The following CBFB variants were observed in gnomAD, a reference collection of about 807,000 sequenced individuals.
CBFB encodes CBF-beta.
In CBFB, 9 loss-of-function variants were observed where a neutral mutation model predicts 30.4. The ratio of observed to expected loss-of-function variants is 0.30; its 90% confidence interval spans 0.18 to 0.52. The LOEUF (loss-of-function observed/expected upper bound fraction) is 0.52. Among genes scored for constraint, CBFB ranks in the 20% least tolerant of loss-of-function variants. CBFB has a pLI of 0.97. For synonymous variants in CBFB, 94 were observed against 84.0 expected (o/e 1.12, Z -0.65); for missense variants, 170 against 244.0 (o/e 0.70, Z 2.02).
intron 2 of CBFB, among the ~76,000 whole-genome samples, chr16:67,035,062 G>T (rs1047939262): frequency 1.9e-4 from 29 of 151,068 alleles, no homozygotes; most frequent in African/African-American, 7.1e-4. Context: ...ATTTATGCTC[G>T]TAGTACATGG....
chr16:67,084,165 CA>C (rs368748767), intron 5 of CBFB, among the ~76,000 whole-genome samples: 49 of 54,318 alleles, frequency 9.0e-4, no homozygotes, highest in African/African-American at 2.7e-3. Context: ...GACCCTACCT[CA>C]AAAAAAAAAA....
At chr16:67,069,793 A>C (rs1377909350) in intron 4 of CBFB, among the ~76,000 whole-genome samples, 1 of 152,224 alleles carries the variant, frequency 6.6e-6, no homozygotes, top group African/African-American at 2.4e-5. Flanking sequence ...TAGAGGCTAG[A>C]AAGTTGTGGG....
intron 5 of CBFB, 73 bp from the exon 6 acceptor site, chr16:67,098,637 T>C: frequency 2.3e-6 from 2 of 880,556 alleles, no homozygotes; most frequent in Non-Finnish European, 3.8e-6. Flanking sequence ...TGCTACTGTC[T>C]TGTATTTTGT....
rs375495193 is a variant in CBFB at position 67,029,385 on chromosome 16, C to T, written c.-23C>T. 842 of 1,495,436 alleles carry T rather than the reference C, an allele frequency of 5.6e-4. No individual in the cohort carries two copies. Among genetic ancestry groups the T allele is most frequent in the Admixed American group, 8.3e-4 (36 of 43,362 alleles). 92.6% of individuals were successfully genotyped at this position (1,495,436 alleles called of 1,614,324 possible). The stretch of plus-strand genomic sequence containing the variant: ...CGCGCAAGCCCCGAGCGCGGCCGGC[C>T]GGCGCGGCCTCAGGGCGGGAAGATG... On this transcript the variant is annotated 5_prime_UTR_variant, in exon 1 of 6. Coordinates refer to ENST00000412916, the MANE Select transcript of CBFB (RefSeq NM_022845.3).
intron 4 of CBFB, among the ~76,000 whole-genome samples, chr16:67,068,628 G>A (rs1308771629): frequency 1.3e-5 from 2 of 152,184 alleles, no homozygotes; most frequent in Non-Finnish European, 2.9e-5. Context: ...AGTCAGAGTT[G>A]CTACAGTATA....
intron 2 of CBFB, among the ~76,000 whole-genome samples, chr16:67,032,150 T>C (rs1029009886): frequency 1.3e-5 from 2 of 152,174 alleles, no homozygotes; most frequent in African/African-American, 4.8e-5. Flanking sequence ...ATTATAGTAG[T>C]AGTACAGGTG....
chr16:67,053,848 T>C (rs1169052146), intron 3 of CBFB, among the ~76,000 whole-genome samples: 3 of 151,810 alleles, frequency 2.0e-5, no homozygotes, highest in Admixed American at 6.6e-5. Context: ...TTTATCCTTT[T>C]TTTTTTTTTT....
At chr16:67,044,201 T>G (rs1966582917) in intron 3 of CBFB, among the ~76,000 whole-genome samples, 1 of 152,216 alleles carries the variant, frequency 6.6e-6, no homozygotes, top group South Asian at 2.1e-4. Flanking sequence ...ATTGGGATTT[T>G]GAAATAATGA....
chr16:67,049,008 A>G (rs1966687867), intron 3 of CBFB, among the ~76,000 whole-genome samples: 1 of 150,844 alleles, frequency 6.6e-6, no homozygotes, highest in Non-Finnish European at 1.5e-5. Context: ...TTTAGTAGAG[A>G]CAGGGTTTCT....
At chr16:67,054,810 T>C (rs1480622893) in intron 3 of CBFB, among the ~76,000 whole-genome samples, 1 of 152,212 alleles carries the variant, frequency 6.6e-6, no homozygotes, top group Non-Finnish European at 1.5e-5. Context: ...TGGAGTGCAG[T>C]GGTGCGATCT....
chr16:67,029,578 C>G (rs1966294772), intron 1 of CBFB, 93 bp downstream of exon 1: 1 of 1,374,128 alleles, frequency 7.3e-7, no homozygotes, highest in Non-Finnish European at 9.9e-7. Context: ...CCCGGGAGTC[C>G]CGGTCGGTGC....
intron 2 of CBFB, among the ~76,000 whole-genome samples, chr16:67,032,293 C>G (rs200577722): frequency 6.6e-6 from 1 of 152,102 alleles, no homozygotes; most frequent in Non-Finnish European, 1.5e-5. Flanking sequence ...CCACTGCACT[C>G]CAGCCTGGGT....
chr16:67,068,415 A>G (rs1452615502), intron 4 of CBFB, among the ~76,000 whole-genome samples: 1 of 152,128 alleles, frequency 6.6e-6, no homozygotes, highest in Non-Finnish European at 1.5e-5. Context: ...CAGGAGCTCA[A>G]GGCTGCAGTG....
intron 3 of CBFB, among the ~76,000 whole-genome samples, chr16:67,049,035 A>T (rs1966688452): frequency 1.3e-5 from 2 of 151,258 alleles, no homozygotes; most frequent in African/African-American, 4.9e-5. Context: ...TGGTCAGGCT[A>T]GTTTTGAACT....
rs1423911481 is a variant in CBFB, at chr16:67,099,493, ATCC to A, written c.*720_*722del. On this transcript the variant is annotated 3_prime_UTR_variant, in exon 6 of 6. Transcript: ENST00000412916. ...GGTCTCGAACTCCTGGCATCAAGCG[ATCC>A]TCCTGCCTTAGCCTCCCAGAGTACT... is the stretch of plus-strand genomic sequence containing the variant. 5.0e-6 allele frequency: 1 copy of A among 201,684 alleles called. No homozygotes were observed. The highest frequency in any genetic ancestry group is 1.0e-5 in the Non-Finnish European group (1 of 98,490). 12.5% of individuals were successfully genotyped at this position (201,684 alleles called of 1,614,324 possible).
At position 67,100,637 on chromosome 16, in the gene CBFB, AT is replaced by A. The variant is rs143477493; in HGVS notation, c.*1866del. The A allele has an allele frequency of 0.031, 6,954 of 221,714 alleles. 163 individuals are homozygous for A. The highest frequency in any genetic ancestry group is 0.075 in the South Asian group (404 of 5,380). The allele number at this position is 221,714 out of a possible 1,614,324, so 13.7% of individuals were successfully genotyped here. A position where few individuals can be genotyped will look rare whatever the true frequency, so the allele number is the denominator to read the frequency against. On this transcript the variant is annotated 3_prime_UTR_variant, in exon 6 of 6. Coordinates refer to ENST00000412916, the MANE Select transcript of CBFB (RefSeq NM_022845.3). Reference sequence around the variant, plus strand: ...CTTGGTTTTTTACTTCTGCACTTAAATTTTTTTAAATAACATGATGATGGTA... The same window carrying A: ...CTTGGTTTTTTACTTCTGCACTTAAATTTTTTAAATAACATGATGATGGTA...
chr16:67,072,489 CAG>C (rs1403390278), intron 4 of CBFB, among the ~76,000 whole-genome samples: 3 of 150,306 alleles, frequency 2.0e-5, no homozygotes, highest in African/African-American at 7.4e-5. Context: ...TTTTTCCAGA[CAG>C]AGTCTTGCTC....
intron 5 of CBFB, 78 bp downstream of exon 5, chr16:67,082,386 G>A (rs1415131744): frequency 2.0e-6 from 3 of 1,532,228 alleles, no homozygotes; most frequent in Non-Finnish European, 8.8e-7. Flanking sequence ...TGATGTTTGT[G>A]CATAATGCTT....
intron 5 of CBFB, among the ~76,000 whole-genome samples, chr16:67,090,349 A>C (rs1029018279): frequency 2.0e-5 from 3 of 152,228 alleles, no homozygotes; most frequent in Non-Finnish European, 2.9e-5. Flanking sequence ...AATGCTCTCC[A>C]TTGGCATCTG....
Sources: gnomAD v4.1 joint callset for allele counts (sites outside exome capture counted in the v4.1 genomes callset) on GRCh38, gnomAD v4.1.1 for gene constraint, MANE v1.5 for transcripts, NCBI Gene and HGNC (gene_info 2026-07-23, HGNC 2026-07-21) for gene names.